The following DGKE variants were observed in gnomAD, a reference collection of about 807,000 sequenced individuals.
DGKE encodes DAG kinase epsilon.
Under a neutral mutation model 70.0 loss-of-function variants are expected in DGKE, and 53 were observed. That is an observed-to-expected ratio of 0.76 (90% CI 0.61 to 0.95). The LOEUF is 0.95. DGKE is among the 40% of genes least tolerant of loss of function. The probability of loss-of-function intolerance (pLI) is 0.00; values close to 1 mark genes in which losing one functional copy is unlikely to be tolerated. For synonymous variants in DGKE, 291 were observed against 257.0 expected (o/e 1.13, Z -1.27); for missense variants, 655 against 706.9 (o/e 0.93, Z 0.83).
At position 56,867,504 on chromosome 17, in the gene DGKE, G is replaced by A. The variant is rs1908571839; in HGVS notation, c.*4713G>A. 1 of 152,192 alleles carries A rather than the reference G, an allele frequency of 6.6e-6. No individual in the cohort carries two copies. Among genetic ancestry groups the A allele is most frequent in the Non-Finnish European group, 1.5e-5 (1 of 68,084 alleles). 9.4% of individuals were successfully genotyped at this position (152,192 alleles called of 1,614,324 possible). ...TTTAATCCCAGCTAATCAGGAGGCT[G>A]AGGCACGAGAATTGCTCGAACCCAG... On this transcript the variant is annotated 3_prime_UTR_variant, in exon 12 of 12. Coordinates refer to ENST00000284061, the MANE Select transcript of DGKE (RefSeq NM_003647.3).
chr17:56,835,248 T>G lies in DGKE; in HGVS notation c.453T>G (p.Leu151=), dbSNP rs1482294254. ...AGCAGTGTGGCTGTCAACCCAAGCT[T>G]TGCGATTACAGGTATGGTCTTCGTG... ...CKQQCGCQPK[L]CDYRCIWCQK... is the part of the protein sequence containing the mutation. Residue 151 remains leucine (L), a synonymous_variant, in exon 2 of 12, where the codon CTT becomes CTG. Transcript: ENST00000284061. 9.9e-6 allele frequency: 16 copies of G among 1,610,172 alleles called. No individual in the cohort carries two copies. Among genetic ancestry groups the G allele is most frequent in the Non-Finnish European group, 1.3e-5 (15 of 1,178,918 alleles).
chr17:56,855,114 GAAA>G (rs574695123), intron 7 of DGKE, among the ~76,000 whole-genome samples: 1 of 142,580 alleles, frequency 7.0e-6, no homozygotes, highest in Admixed American at 7.0e-5. Flanking sequence ...TAGGAAACTA[GAAA>G]AAAAAAATTC....
intron 11 of DGKE, 177 bp downstream of exon 11, chr17:56,862,428 C>A: frequency 1.2e-6 from 1 of 853,656 alleles, no homozygotes; most frequent in Non-Finnish European, 1.7e-6. Flanking sequence ...GGCTCAAGAT[C>A]CATGAGATAA....
chr17:56,842,069 T>C (rs1044943675), intron 2 of DGKE, among the ~76,000 whole-genome samples: 8 of 152,214 alleles, frequency 5.3e-5, no homozygotes, highest in Non-Finnish European at 7.3e-5. Context: ...AAAAAATTGA[T>C]ATACAAAAAA....
chr17:56,852,570 CTA>C (rs1907718136), intron 7 of DGKE, among the ~76,000 whole-genome samples: 2 of 151,346 alleles, frequency 1.3e-5, no homozygotes, highest in Admixed American at 1.3e-4. Context: ...CCTTGTAGAA[CTA>C]TATAGCTTAT....
rs1220322807 is a variant in DGKE at position 56,835,101 on chromosome 17, C to G, written c.306C>G (p.Ala102=). 21 of 1,613,670 alleles carry G rather than the reference C, an allele frequency of 1.3e-5. No homozygotes were observed. The highest frequency in any genetic ancestry group is 1.8e-5 in the Non-Finnish European group (21 of 1,180,042). The change falls in exon 2 of 12, where the codon GCC becomes GCG. Residue 102 remains alanine (A), a synonymous_variant. Transcript: ENST00000284061. ...TGGACGAGGGCTGCCTCAGGAAGGC[C>G]GACAAGCGCTTCCAGTGCAAGGAGA... The part of the protein sequence containing the change: ...LRVDEGCLRK[A]DKRFQCKEIM...
At chr17:56,837,756 T>C (rs1906717307) in intron 2 of DGKE, among the ~76,000 whole-genome samples, 2 of 152,328 alleles carry the variant, frequency 1.3e-5, no homozygotes, top group South Asian at 4.1e-4. Flanking sequence ...ATCTCATTCT[T>C]AGGGAAGTGA....
chr17:56,845,791 C>G lies in DGKE; in HGVS notation c.726C>G (p.Ile242Met), dbSNP rs1907248089. The G allele has an allele frequency of 1.2e-6, 2 of 1,605,980 alleles. No individual in the cohort carries two copies. The highest frequency in any genetic ancestry group is 1.7e-6 in the Non-Finnish European group (2 of 1,176,696). The stretch of plus-strand genomic sequence containing the variant: ...AAGGACTGTTGGGAGAATTTAGGAT[C>G]TTGTTGAATCCAGTCCAGGTAACTA... The part of the protein sequence containing the change: ...MGEGLLGEFR[I>M]LLNPVQVFDV... The change falls in exon 4 of 12, where the codon ATC (isoleucine) becomes ATG (methionine). Residue 242 changes from isoleucine to methionine, a missense_variant. Ile to Met is a conservative substitution (Grantham distance 10). Coordinates refer to ENST00000284061, the MANE Select transcript of DGKE (RefSeq NM_003647.3).
rs1437716384 is a variant in DGKE at position 56,866,293 on chromosome 17, C to G, written c.*3502C>G. On this transcript the variant is annotated 3_prime_UTR_variant, in exon 12 of 12. Transcript: ENST00000284061. ...GAAAGTATGGATTCCTGAGCCCAAC[C>G]CTTAACTTAATGATTCCCTGTCTCT... is the stretch of plus-strand genomic sequence containing the variant. 6.6e-6 allele frequency: 1 copy of G among 152,160 alleles called. No individual in the cohort carries two copies. 9.4% of individuals were successfully genotyped at this position (152,160 alleles called of 1,614,324 possible).
At chr17:56,851,513 G>T (rs1907648612) in intron 7 of DGKE, among the ~76,000 whole-genome samples, 1 of 152,164 alleles carries the variant, frequency 6.6e-6, no homozygotes, top group Admixed American at 6.5e-5. Context: ...GTAGCAAAAG[G>T]ACCAGATTTT....
At position 56,847,961 on chromosome 17, in the gene DGKE, C is replaced by G. The variant is rs138464211; in HGVS notation, c.784C>G (p.Gln262Glu). ...VTKTPPIKALQLCTLLPYYSA... is the reference protein window; with the variant it reads ...VTKTPPIKALELCTLLPYYSA... ...TAAAACTCCTCCTATCAAAGCCCTA[C>G]AACTCTGTACTCTTCTCCCATATTA... The change falls in exon 5 of 12, where the codon CAA becomes GAA. Residue 262 changes from glutamine (Q) to glutamate (E), a missense_variant. Physicochemically the swap from Gln to Glu is conservative, Grantham distance 29. Coordinates refer to ENST00000284061, the MANE Select transcript of DGKE (RefSeq NM_003647.3). The G allele has an allele frequency of 1.3e-6, 2 of 1,595,642 alleles. No individual in the cohort carries two copies. Among genetic ancestry groups the G allele is most frequent in the African/African-American group, 2.7e-5 (2 of 74,164 alleles).
intron 2 of DGKE, 59 bp downstream of exon 2, chr17:56,835,318 A>G (rs761622363): frequency 6.7e-7 from 1 of 1,502,610 alleles, no homozygotes; most frequent in Non-Finnish European, 9.0e-7. Context: ...AGGATTTCAT[A>G]GAGTGGTGTA....
At chr17:56,858,030 G>A (rs8072912) in intron 8 of DGKE, among the ~76,000 whole-genome samples, 202 of 138,858 alleles carry the variant, frequency 1.5e-3, no homozygotes, top group African/African-American at 5.2e-3. Context: ...CCGAGATCGC[G>A]CAGCTGCACT....
Position 56,853,982 on chromosome 17 carries a change from TA to T in DGKE, c.1099-2515del, listed in dbSNP as rs762786931. Among the ~76,000 whole-genome samples, 405 of 136,186 alleles carry T rather than the reference TA, an allele frequency of 3.0e-3. 1 individual carries two copies. Among genetic ancestry groups the T allele is most frequent in the South Asian group, 0.015 (64 of 4,278 alleles). The allele number at this position is 136,186 out of a possible 152,430, so 89.3% of individuals were successfully genotyped here. On this transcript the variant is annotated intron_variant, in intron 7 of 11. Coordinates refer to ENST00000284061, the MANE Select transcript of DGKE (RefSeq NM_003647.3). Reference sequence around the variant, plus strand: ...ACACAATGGAAAACTATTCAGACTTTAAAAAAAAAAAAAAACAGGAAAATCT... The same window carrying T: ...ACACAATGGAAAACTATTCAGACTTTAAAAAAAAAAAAAACAGGAAAATCT...
intron 2 of DGKE, chr17:56,835,462 A>C: frequency 3.4e-6 from 2 of 582,812 alleles, no homozygotes; most frequent in African/African-American, 1.9e-5. Flanking sequence ...TCCAGCCTCC[A>C]CTCCTCAGCC....
chr17:56,842,829 G>T (rs1255685579), intron 2 of DGKE, among the ~76,000 whole-genome samples: 1 of 152,120 alleles, frequency 6.6e-6, no homozygotes, highest in East Asian at 1.9e-4. Flanking sequence ...TCTGTGAGTG[G>T]ATTAAATACT....
rs1336245726 is a variant in DGKE, at chr17:56,868,929, G to A, written c.*6138G>A. On this transcript the variant is annotated 3_prime_UTR_variant, in exon 12 of 12. Coordinates refer to ENST00000284061, the MANE Select transcript of DGKE (RefSeq NM_003647.3). Reference sequence around the variant, plus strand: ...ATAAACTGGCTCCTGGCAGAGTAGAGCAGTAAGTGGGATCAAAGGTGAATT... The same window carrying A: ...ATAAACTGGCTCCTGGCAGAGTAGAACAGTAAGTGGGATCAAAGGTGAATT... 2 of 152,202 alleles carry A rather than the reference G, an allele frequency of 1.3e-5. No homozygotes were observed. The highest frequency in any genetic ancestry group is 1.3e-4 in the Admixed American group (2 of 15,282). The allele number at this position is 152,202 out of a possible 1,614,324, so 9.4% of individuals were successfully genotyped here.
At chr17:56,837,991 TTTCTTC>T (rs982111455) in intron 2 of DGKE, among the ~76,000 whole-genome samples, 1 of 152,226 alleles carries the variant, frequency 6.6e-6, no homozygotes, top group African/African-American at 2.4e-5. Context: ...ACATCTTCTT[TTTCTTC>T]TTCTTATCTC....
intron 2 of DGKE, 67 bp from the exon 3 acceptor site, chr17:56,843,952 T>C: frequency 7.1e-7 from 1 of 1,408,908 alleles, no homozygotes; most frequent in Non-Finnish European, 9.5e-7. Context: ...CAAAAATGAT[T>C]GTTTTGTGGG....
Sources: allele counts gnomAD v4.1 joint callset (sites outside exome capture counted in the v4.1 genomes callset), GRCh38; gene constraint gnomAD v4.1.1; transcripts MANE v1.5; gene names NCBI Gene and HGNC (gene_info 2026-07-23, HGNC 2026-07-21).